Variants in HACD3 observed in about 807,000 individuals in gnomAD.
HACD3 encodes very-long-chain (3R)-3-hydroxyacyl-CoA dehydratase 3.
Under a neutral mutation model 55.2 loss-of-function variants are expected in HACD3, and 30 were observed. That is an observed-to-expected ratio of 0.54 (90% CI 0.41 to 0.74). The LOEUF is 0.74. Ranked by LOEUF, HACD3 falls within the 30% of genes least tolerant of loss-of-function variation. The pLI is 0.00. For synonymous variants in HACD3, 141 were observed against 151.7 expected, an observed-to-expected ratio of 0.93 and a Z score of 0.52; for missense variants, 363 against 440.1, an observed-to-expected ratio of 0.82 and a Z score of 1.57.
chr15:65,572,092 G>A (rs1028536430), intron 9 of HACD3, 143 bp from the exon 10 acceptor site: 4 of 1,018,950 alleles, frequency 3.9e-6, no homozygotes, highest in Middle Eastern at 3.2e-4. Flanking sequence ...AAAAAGGAGA[G>A]GCATGAGCTT....
At chr15:65,562,657 G>A (rs2072254791) in intron 5 of HACD3, 117 bp from the exon 6 acceptor site, 2 of 1,368,422 alleles carry the variant, frequency 1.5e-6, no homozygotes, top group Non-Finnish European at 2.0e-6. Flanking sequence ...ATTTGTGTGG[G>A]AGCTTAGGAG....
In HACD3 at chr15:65,542,743, A is replaced by G. The variant is rs116446099; in HGVS notation, c.88-8933A>G. ...TCATTTTATAAAGTTTGAATTTTGA[A>G]CAATGGGAATGTTTTACATATTCAA... On this transcript the variant is annotated intron_variant, in intron 1 of 10. Transcript: ENST00000261875. 7.5e-3 allele frequency among the ~76,000 whole-genome samples: 1,148 copies of G among 152,226 alleles called. 15 individuals are homozygous for G. The highest frequency in any genetic ancestry group is 0.026 in the African/African-American group (1,095 of 41,528).
chr15:65,561,575 ATACAACAC>A (rs1050695367), intron 5 of HACD3, among the ~76,000 whole-genome samples: 1 of 152,176 alleles, frequency 6.6e-6, no homozygotes, highest in Admixed American at 6.5e-5. Flanking sequence ...TATGGAAAAA[ATACAACAC>A]TACAACACTC....
Position 65,576,366 on chromosome 15 carries a change from A to G in HACD3, c.1076A>G (p.Lys359Arg). The G allele has an allele frequency of 6.2e-7, 1 of 1,600,608 alleles. No individual in the cohort carries two copies. The highest frequency in any genetic ancestry group is 1.3e-5 in the African/African-American group (1 of 74,596). The change falls in exon 11 of 11, where the codon AAA becomes AGA. Residue 359 changes from lysine to arginine, a missense_variant. By Grantham distance (26) the Lys-to-Arg change is conservative. Coordinates refer to ENST00000261875, the MANE Select transcript of HACD3 (RefSeq NM_016395.4). ...AGACGGCGCTATGGACAAAAAAAGAAAAAGATCCACTAAAAAGAAAGATTT... is the reference window on the plus strand; with the variant it reads ...AGACGGCGCTATGGACAAAAAAAGAGAAAGATCCACTAAAAAGAAAGATTT... ...QRRRRYGQKK[K>R]KIH
Position 65,558,715 on chromosome 15 carries a change from C to T in HACD3, c.405C>T (p.Ser135=), listed in dbSNP as rs372958001. 205 of 1,601,576 alleles carry T rather than the reference C, an allele frequency of 1.3e-4. No individual in the cohort carries two copies. The African/African-American group carries it at 1.7e-3, about 14-fold the overall frequency. The change falls in exon 5 of 11, where the codon AGC becomes AGT. Residue 135 remains serine, a synonymous_variant. Transcript: ENST00000261875. ...GCCTAAATAAACTCCGACTGGAAAG[C>T]GAAGGCTCTCCTGAAAGTAAGTTGT... ...EERLNKLRLE[S]EGSPETLTNL...
Position 65,551,734 on chromosome 15 carries a change from A to G in HACD3, c.130+16A>G. On this transcript the variant is annotated intron_variant, in intron 2 of 10. Transcript: ENST00000261875. ...CATTTCAAAGGTCAGTATCCCAGCA[A>G]ATGCTCCCATCTCTATACACAGTTA... The G allele has an allele frequency of 7.4e-6, 12 of 1,613,410 alleles. No individual in the cohort carries two copies. The highest frequency in any genetic ancestry group is 9.3e-6 in the Non-Finnish European group (11 of 1,179,386).
intron 10 of HACD3, chr15:65,574,660 T>G (rs189146385): frequency 6.6e-6 from 1 of 152,236 alleles, no homozygotes; most frequent in African/African-American, 2.4e-5. Flanking sequence ...GCCTGGCAGA[T>G]GTACAGTTAA....
At chr15:65,530,742 G>T (rs1220552534) in intron 1 of HACD3, 24 bp downstream of exon 1, 2 of 1,530,564 alleles carry the variant, frequency 1.3e-6, no homozygotes, top group Admixed American at 2.0e-5. Flanking sequence ...CGGGCGGCGG[G>T]AAGCGCGCGG....
intron 1 of HACD3, among the ~76,000 whole-genome samples, chr15:65,544,352 T>G (rs923681735): frequency 6.6e-6 from 1 of 152,098 alleles, no homozygotes; most frequent in Non-Finnish European, 1.5e-5. Context: ...GTGATCAAAT[T>G]GGATAGAACT....
At chr15:65,539,917 A>G (rs904253819) in intron 1 of HACD3, among the ~76,000 whole-genome samples, 1 of 152,214 alleles carries the variant, frequency 6.6e-6, no homozygotes, top group Non-Finnish European at 1.5e-5. Context: ...TGAATGCCCA[A>G]CGTGTTTTAA....
intron 5 of HACD3, 79 bp downstream of exon 5, chr15:65,558,810 G>A: frequency 6.8e-7 from 1 of 1,477,888 alleles, no homozygotes. Context: ...GATGTGGCAG[G>A]AGAGCTAATG....
chr15:65,563,628 C>T (rs1028945170), intron 6 of HACD3, among the ~76,000 whole-genome samples: 23 of 152,108 alleles, frequency 1.5e-4, no homozygotes, highest in African/African-American at 5.3e-4. Flanking sequence ...GTGATCATGA[C>T]ACTGTACTCT....
In HACD3 at chr15:65,576,410, T is replaced by C. The variant is rs948065766; in HGVS notation, c.*31T>C. 1.9e-6 allele frequency: 3 copies of C among 1,561,466 alleles called. No homozygotes were observed. Among genetic ancestry groups the C allele is most frequent in the Non-Finnish European group, 2.6e-6 (3 of 1,153,886 alleles). ...AAGATTTAGATGGCTTCTTGCCAGT[T>C]TGAGCCTAATCTGATTCTTACAGTT... On this transcript the variant is annotated 3_prime_UTR_variant, in exon 11 of 11. Transcript: ENST00000261875.
chr15:65,562,895 C>G lies in HACD3; in HGVS notation c.532+11C>G, dbSNP rs1420882358. ...GTATCTTGGGAAAAGGCAAGTAAGACATTTTTGGATTAATTTTCCCTTTCT... is the reference window on the plus strand; with the variant it reads ...GTATCTTGGGAAAAGGCAAGTAAGAGATTTTTGGATTAATTTTCCCTTTCT... On this transcript the variant is annotated intron_variant, in intron 6 of 10. Coordinates refer to ENST00000261875, the MANE Select transcript of HACD3 (RefSeq NM_016395.4). 1.2e-6 allele frequency: 2 copies of G among 1,613,226 alleles called. No homozygotes were observed. Among genetic ancestry groups the G allele is most frequent in the Non-Finnish European group, 8.5e-7 (1 of 1,179,642 alleles).
chr15:65,549,320 G>T (rs1457640378), intron 1 of HACD3, among the ~76,000 whole-genome samples: 1 of 151,506 alleles, frequency 6.6e-6, no homozygotes, highest in East Asian at 1.9e-4. Context: ...TGGTGCGGTG[G>T]CTCACAGCTG....
At position 65,570,265 on chromosome 15, in the gene HACD3, T is replaced by C; in HGVS notation, c.773+62T>C. The C allele has an allele frequency of 2.5e-6, 3 of 1,203,674 alleles. No homozygotes were observed. In the South Asian group the frequency reaches 3.9e-5, roughly 16 times the overall value. 74.6% of individuals were successfully genotyped at this position (1,203,674 alleles called of 1,614,324 possible). ...TCCCTGTTTGCAGCAGCTCTGTTCTTGAGGGAGTTGTTATCTTAGCCAGAG... is the reference window on the plus strand; with the variant it reads ...TCCCTGTTTGCAGCAGCTCTGTTCTCGAGGGAGTTGTTATCTTAGCCAGAG... On this transcript the variant is annotated intron_variant, in intron 8 of 10. Coordinates refer to ENST00000261875, the MANE Select transcript of HACD3 (RefSeq NM_016395.4).
chr15:65,560,590 A>C (rs936993763), intron 5 of HACD3, among the ~76,000 whole-genome samples: 2 of 152,050 alleles, frequency 1.3e-5, no homozygotes, highest in Non-Finnish European at 2.9e-5. Context: ...TTAGGCCAGG[A>C]GTTCGAGATC....
chr15:65,565,974 C>T (rs2141222321), intron 7 of HACD3: 1 of 152,402 alleles, frequency 6.6e-6, no homozygotes, highest in African/African-American at 2.4e-5. Flanking sequence ...CCTAAATCAT[C>T]TCTCTCAAGT....
intron 4 of HACD3, 136 bp downstream of exon 4, chr15:65,557,039 A>AT: frequency 1.1e-6 from 1 of 883,860 alleles, no homozygotes; most frequent in South Asian, 1.9e-5. Flanking sequence ...TGGTGATGTG[A>AT]TTTTCAAGAA....
Sources: allele counts gnomAD v4.1 joint callset (sites outside exome capture counted in the v4.1 genomes callset), GRCh38; gene constraint gnomAD v4.1.1; transcripts MANE v1.5; gene names NCBI Gene and HGNC (gene_info 2026-07-23, HGNC 2026-07-21).